Variants in EPB41 observed in about 807,000 individuals in gnomAD.
The protein encoded by EPB41 is erythrocyte membrane protein band 4.1, also known as protein 4.1.
Under a neutral mutation model 108.0 loss-of-function variants are expected in EPB41, and 65 were observed. The observed-to-expected ratio is 0.60, with a 90% CI of 0.49 to 0.74. The LOEUF is 0.74. Among genes scored for constraint, EPB41 ranks in the 30% least tolerant of loss-of-function variants. The probability of loss-of-function intolerance (pLI) is 0.00; values close to 1 mark genes in which losing one functional copy is unlikely to be tolerated. For missense variants in EPB41, 875 were observed against 1,037.0 expected (o/e 0.84, Z 2.15); for synonymous variants, 336 against 358.9 (o/e 0.94, Z 0.72).
At chr1:28,925,300 T>TG (rs2093382047) in intron 1 of EPB41, among the ~76,000 whole-genome samples, 1 of 151,902 alleles carries the variant, frequency 6.6e-6, no homozygotes, top group African/African-American at 2.4e-5. Context: ...TTTGTAGGGA[T>TG]GGGGTCTCCA....
intron 9 of EPB41, among the ~76,000 whole-genome samples, 165 bp from the exon 10 acceptor site, chr1:29,035,661 T>C (rs1353760532): frequency 3.3e-5 from 5 of 152,108 alleles, no homozygotes; most frequent in African/African-American, 1.2e-4. Context: ...AGTGAGTGAA[T>C]TTCTTTCAGT....
chr1:29,100,326 TG>T (rs895913543), intron 17 of EPB41, among the ~76,000 whole-genome samples: 1 of 142,744 alleles, frequency 7.0e-6, no homozygotes, highest in African/African-American at 2.5e-5. Context: ...AAAAATTAGC[TG>T]GGCATGGTGG....
At chr1:29,055,667 GC>G (rs112506548) in intron 12 of EPB41, among the ~76,000 whole-genome samples, 3 of 127,874 alleles carry the variant, frequency 2.3e-5, no homozygotes, top group Middle Eastern at 3.7e-3. Context: ...AATAACTATG[GC>G]GGCAGGCACG....
Position 29,109,397 on chromosome 1 carries a change from C to G in EPB41, c.2375C>G (p.Ser792Cys). Reference sequence around the variant, plus strand: ...TTGCTGACAGCTCAAACTATCACATCTGAGACCCCAAGCAGCACCACCACA... The same window carrying G: ...TTGCTGACAGCTCAAACTATCACATGTGAGACCCCAAGCAGCACCACCACA... The part of the protein sequence containing the change: ...GVLLTAQTIT[S>C]ETPSSTTTTQ... Residue 792 changes from serine to cysteine, a missense_variant, in exon 18 of 21, where the codon TCT (serine) becomes TGT (cysteine). By Grantham distance (112) the Ser-to-Cys change is moderately radical (BLOSUM62 -1). Around this residue, in one of 3 missense-constraint regions of EPB41, gnomAD observed 519 missense variants for 627.3 expected, o/e 0.83. Coordinates refer to ENST00000343067, the MANE Select transcript of EPB41 (RefSeq NM_001376013.1). The G allele has an allele frequency of 6.2e-7, 1 of 1,614,088 alleles. No individual in the cohort carries two copies. Among genetic ancestry groups the G allele is most frequent in the South Asian group, 1.1e-5 (1 of 91,072 alleles).
chr1:28,922,178 T>C (rs1418067951), intron 1 of EPB41, among the ~76,000 whole-genome samples: 3 of 151,362 alleles, frequency 2.0e-5, no homozygotes, highest in South Asian at 4.2e-4. Flanking sequence ...CCGTGTTGGT[T>C]AGACTGGTTT....
At chr1:28,897,411 G>A (rs376718639) in intron 1 of EPB41, among the ~76,000 whole-genome samples, 42 of 151,846 alleles carry the variant, frequency 2.8e-4, no homozygotes, top group African/African-American at 9.4e-4. Flanking sequence ...TCAGCTGGGC[G>A]TTGTGCATGT....
chr1:28,968,212 C>A, intron 1 of EPB41, among the ~76,000 whole-genome samples: 1 of 151,802 alleles, frequency 6.6e-6, no homozygotes. Context: ...CAAAAATTAC[C>A]TGGGTGTGGT....
At chr1:28,945,088 A>G (rs2094446043) in intron 1 of EPB41, among the ~76,000 whole-genome samples, 1 of 151,330 alleles carries the variant, frequency 6.6e-6, no homozygotes, top group African/African-American at 2.4e-5. Context: ...CGTGTCTCAA[A>G]AAAAGAAAAA....
At chr1:28,954,146 C>T (rs770696750) in intron 1 of EPB41, among the ~76,000 whole-genome samples, 12 of 152,292 alleles carry the variant, frequency 7.9e-5, no homozygotes, top group Non-Finnish European at 7.4e-5. Flanking sequence ...TAGTTTATTC[C>T]TCCATATTTC....
At chr1:28,915,193 G>T (rs1434097446) in intron 1 of EPB41, among the ~76,000 whole-genome samples, 1 of 152,176 alleles carries the variant, frequency 6.6e-6, no homozygotes, top group Admixed American at 6.5e-5. Context: ...GAGGGAGCTG[G>T]GCTGTCTGCA....
At chr1:29,000,330 C>A (rs1022374492) in intron 4 of EPB41, among the ~76,000 whole-genome samples, 1 of 152,114 alleles carries the variant, frequency 6.6e-6, no homozygotes, top group African/African-American at 2.4e-5. Flanking sequence ...GAACTCCTGA[C>A]CTCAGGCGAT....
chr1:29,072,319 C>T (rs898814363), intron 16 of EPB41: 15 of 151,954 alleles, frequency 9.9e-5, no homozygotes, highest in African/African-American at 3.4e-4. Context: ...AATAAAGATA[C>T]AAGAGTTTCC....
intron 17 of EPB41, among the ~76,000 whole-genome samples, chr1:29,107,265 G>A (rs912155742): frequency 3.3e-5 from 5 of 152,116 alleles, no homozygotes; most frequent in African/African-American, 1.2e-4. Context: ...ACTTGCCCAA[G>A]GTTCCACAGC....
chr1:28,939,471 G>A (rs2094185093), intron 1 of EPB41, among the ~76,000 whole-genome samples: 1 of 151,420 alleles, frequency 6.6e-6, no homozygotes, highest in African/African-American at 2.4e-5. Flanking sequence ...TTTTTGAGAC[G>A]GAGTCTCAGC....
chr1:28,926,825 A>G (rs756544308), intron 1 of EPB41, among the ~76,000 whole-genome samples: 1 of 152,232 alleles, frequency 6.6e-6, no homozygotes, highest in Non-Finnish European at 1.5e-5. Flanking sequence ...TTTTCTACTT[A>G]AATTGGATGT....
intron 1 of EPB41, among the ~76,000 whole-genome samples, chr1:28,944,045 C>T (rs1353937625): frequency 1.3e-5 from 2 of 152,150 alleles, no homozygotes; most frequent in Admixed American, 6.6e-5. Flanking sequence ...GAATGAGACC[C>T]TGTTATTTGC....
chr1:28,909,213 C>T (rs1025068627), intron 1 of EPB41, among the ~76,000 whole-genome samples: 3 of 149,200 alleles, frequency 2.0e-5, no homozygotes, highest in Admixed American at 6.7e-5. Context: ...TTTTAAAAAG[C>T]GTTAGGTTGA....
intron 1 of EPB41, among the ~76,000 whole-genome samples, chr1:28,942,443 G>A (rs1292492839): frequency 6.6e-6 from 1 of 152,212 alleles, no homozygotes; most frequent in Non-Finnish European, 1.5e-5. Context: ...AGAACTCAGG[G>A]AAACACTTTA....
intron 9 of EPB41, among the ~76,000 whole-genome samples, chr1:29,035,057 C>T (rs778472340): frequency 1.3e-5 from 2 of 149,658 alleles, no homozygotes; most frequent in Non-Finnish European, 3.0e-5. Context: ...TCTCAGCTCA[C>T]CGCAACCTCT....
Sources: allele counts gnomAD v4.1 joint callset (sites outside exome capture counted in the v4.1 genomes callset), GRCh38; gene constraint gnomAD v4.1.1; regional missense constraint gnomAD v4.1.1; transcripts MANE v1.5; gene names NCBI Gene and HGNC (gene_info 2026-07-23, HGNC 2026-07-21).